The following TRIM22 variants were observed in gnomAD, a reference collection of about 807,000 sequenced individuals.
The protein encoded by TRIM22 is tripartite motif containing 22, also known as E3 ubiquitin-protein ligase TRIM22.
A neutral mutation model predicts 53.6 loss-of-function variants in TRIM22; 45 were observed. That is an observed-to-expected ratio of 0.84 (90% confidence interval 0.66 to 1.08). TRIM22 has a LOEUF of 1.08. TRIM22 is among the 50% of genes least tolerant of loss of function. TRIM22 has a pLI of 0.00. For missense variants in TRIM22, 616 were observed against 590.9 expected, an observed-to-expected ratio of 1.04 and a Z score of -0.44; for synonymous variants, 225 against 216.6, an observed-to-expected ratio of 1.04 and a Z score of -0.34.
chr11:5,703,942 G>T (rs1853417049), intron 4 of TRIM22, among the ~76,000 whole-genome samples: 1 of 152,070 alleles, frequency 6.6e-6, no homozygotes. Context: ...ACCACAACGA[G>T]ATACCATCTC....
intron 4 of TRIM22, among the ~76,000 whole-genome samples, chr11:5,704,604 A>T (rs1327472574): frequency 6.6e-6 from 1 of 152,096 alleles, no homozygotes; most frequent in Non-Finnish European, 1.5e-5. Flanking sequence ...AGTGTTCTTC[A>T]TAACTTAAAA....
At chr11:5,690,721 C>T (rs1425802077) in intron 1 of TRIM22, among the ~76,000 whole-genome samples, 1 of 152,184 alleles carries the variant, frequency 6.6e-6, no homozygotes, top group African/African-American at 2.4e-5. Flanking sequence ...ATTTTGCCAA[C>T]GTGGATCAGA....
intron 6 of TRIM22, 44 bp from the exon 7 acceptor site, chr11:5,708,533 C>T (rs761942885): frequency 6.3e-7 from 1 of 1,577,654 alleles, no homozygotes; most frequent in Admixed American, 1.9e-5. Context: ...TCAGTACTTA[C>T]TTATTTGCTT....
At chr11:5,708,418 G>C (rs1853498489) in intron 6 of TRIM22, 145 bp downstream of exon 6, 2 of 971,284 alleles carry the variant, frequency 2.1e-6, no homozygotes, top group Non-Finnish European at 3.1e-6. Context: ...ATGTGGTCCT[G>C]TCTTAGGGGG....
chr11:5,704,065 T>C (rs980387480), intron 4 of TRIM22, among the ~76,000 whole-genome samples: 2 of 152,210 alleles, frequency 1.3e-5, no homozygotes. Context: ...ATTTCAGCCA[T>C]TGTAGAAAGC....
chr11:5,698,673 T>C, intron 4 of TRIM22, 128 bp downstream of exon 4: 1 of 744,792 alleles, frequency 1.3e-6, no homozygotes, highest in Non-Finnish European at 2.2e-6. Flanking sequence ...TGGCCCGGCA[T>C]GCCCCTTTTA....
rs757635925 is a variant in TRIM22 at position 5,709,577 on chromosome 11, C to T, written c.1426C>T (p.Arg476Ter). 6 of 1,613,796 alleles carry T rather than the reference C, an allele frequency of 3.7e-6. No homozygotes were observed. Among genetic ancestry groups the T allele is most frequent in the East Asian group, 4.5e-5 (2 of 44,864 alleles). The stretch of plus-strand genomic sequence containing the variant: ...CAAGTTCTCTGGATGTCGCTTTTCT[C>T]GACCTGCTTATCCGTATTTCAATCC... ...IYKFSGCRFS[R>*]PAYPYFNPWN... Residue 476 changes from arginine (R) to a stop codon, truncating the protein, a stop_gained, in exon 8 of 8, where the codon CGA (arginine) becomes TGA (stop). Transcript: ENST00000379965. LOFTEE classifies it high-confidence loss of function.
chr11:5,690,740 T>C (rs903882368), intron 1 of TRIM22, among the ~76,000 whole-genome samples: 1 of 152,206 alleles, frequency 6.6e-6, no homozygotes, highest in African/African-American at 2.4e-5. Flanking sequence ...GAATTTTCTT[T>C]TATTCAGAGG....
intron 1 of TRIM22, among the ~76,000 whole-genome samples, chr11:5,694,540 T>C (rs1489744628): frequency 2.0e-5 from 3 of 152,182 alleles, no homozygotes; most frequent in Non-Finnish European, 2.9e-5. Context: ...GTTGTCTGTA[T>C]AAATCTGTGC....
Position 5,696,534 on chromosome 11 carries a change from G to GA in TRIM22, c.309dup (p.Leu104ThrfsTer6), listed in dbSNP as rs777547311. On this transcript the variant is annotated frameshift_variant, in exon 2 of 8. Transcript: ENST00000379965. LOFTEE classifies it high-confidence loss of function. ...AAGAGAGATGTCTGTGAGCACCATG[G>GA]AAAAAAACTCCAGATCTTCTGTAAG... 3 of 1,614,026 alleles carry GA rather than the reference G, an allele frequency of 1.9e-6. No individual in the cohort carries two copies. Among genetic ancestry groups the GA allele is most frequent in the African/African-American group, 2.7e-5 (2 of 74,914 alleles).
chr11:5,690,433 T>G (rs944004786), intron 1 of TRIM22, among the ~76,000 whole-genome samples: 2 of 152,006 alleles, frequency 1.3e-5, no homozygotes, highest in African/African-American at 4.8e-5. Context: ...TTAGATAAGG[T>G]GGGCACGTGA....
chr11:5,707,544 T>A (rs1590320657), intron 5 of TRIM22, among the ~76,000 whole-genome samples: 2 of 152,184 alleles, frequency 1.3e-5, no homozygotes, highest in East Asian at 3.8e-4. Flanking sequence ...GTGCAGTGGG[T>A]CACGCCTACA....
At chr11:5,698,889 C>T (rs1476317440) in intron 4 of TRIM22, among the ~76,000 whole-genome samples, 1 of 152,218 alleles carries the variant, frequency 6.6e-6, no homozygotes, top group Non-Finnish European at 1.5e-5. Flanking sequence ...TCTACCTCCA[C>T]CTCCTGGCAG....
chr11:5,702,070 T>C (rs937141555), intron 4 of TRIM22, among the ~76,000 whole-genome samples: 12 of 146,754 alleles, frequency 8.2e-5, no homozygotes, highest in Non-Finnish European at 1.2e-4. Context: ...CTAATATACA[T>C]CACAAATATA....
chr11:5,702,822 A>G (rs1853393868), intron 4 of TRIM22, among the ~76,000 whole-genome samples: 1 of 152,180 alleles, frequency 6.6e-6, no homozygotes, highest in Admixed American at 6.5e-5. Flanking sequence ...TTCCCCCTGA[A>G]TAATGTCTTT....
intron 4 of TRIM22, among the ~76,000 whole-genome samples, chr11:5,701,718 A>G (rs4290258): frequency 0.75 from 113,415 of 151,954 alleles, 42,853 homozygotes; most frequent in African/African-American, 0.84. Flanking sequence ...CCCAAAATCA[A>G]TGTACCAGCA....
chr11:5,695,774 C>G (rs981492647), intron 1 of TRIM22, among the ~76,000 whole-genome samples: 14 of 152,066 alleles, frequency 9.2e-5, no homozygotes, highest in Non-Finnish European at 5.9e-5. Flanking sequence ...TCATGCCATT[C>G]AGAGAGAAAA....
At chr11:5,696,770 T>C (rs1853270580) in intron 2 of TRIM22, 115 bp downstream of exon 2, 4 of 1,107,530 alleles carry the variant, frequency 3.6e-6, no homozygotes, top group Middle Eastern at 2.1e-4. Context: ...CGGAGAGCCC[T>C]GTGATCTCTT....
intron 1 of TRIM22, among the ~76,000 whole-genome samples, chr11:5,694,408 G>T (rs1853223656): frequency 6.6e-6 from 1 of 152,156 alleles, no homozygotes; most frequent in South Asian, 2.1e-4. Flanking sequence ...TCCAGGCCAA[G>T]GTGAAATTTC....
Sources: gnomAD v4.1 joint callset for allele counts (sites outside exome capture counted in the v4.1 genomes callset) on GRCh38, gnomAD v4.1.1 for gene constraint, MANE v1.5 for transcripts, NCBI Gene and HGNC (gene_info 2026-07-23, HGNC 2026-07-21) for gene names.